The following SCHIP1 variants were observed in gnomAD, a reference collection of about 807,000 sequenced individuals.
The protein encoded by SCHIP1 is schwannomin interacting protein 1, also known as schwannomin-interacting protein 1.
Under a neutral mutation model 29.7 loss-of-function variants are expected in SCHIP1, and 8 were observed. The observed-to-expected ratio is 0.27, with a 90% CI of 0.16 to 0.49. SCHIP1 has a LOEUF of 0.49. SCHIP1 is among the 20% of genes least tolerant of loss of function. The pLI, the probability that SCHIP1 is intolerant of heterozygous loss-of-function variation, is 0.99. For synonymous variants in SCHIP1, 76 were observed against 94.9 expected, an observed-to-expected ratio of 0.80 and a Z score of 1.16; for missense variants, 193 against 294.6, an observed-to-expected ratio of 0.66 and a Z score of 2.52.
chr3:159,810,699 G>A, the SCHIP1 span, among the ~76,000 whole-genome samples: 975 of 152,186 alleles, frequency 6.4e-3, 7 homozygotes, highest in African/African-American at 0.017. Context: ...TATTTTGGTC[G>A]TCCATTTACC....
At chr3:159,751,614 G>A in the SCHIP1 span, among the ~76,000 whole-genome samples, 4 of 150,604 alleles carry the variant, frequency 2.7e-5, no homozygotes, top group East Asian at 1.9e-4. Context: ...GCAGGATCTC[G>A]GCTCACTGCA....
the SCHIP1 span, among the ~76,000 whole-genome samples, chr3:159,686,734 C>CAG: frequency 6.6e-6 from 1 of 152,084 alleles, no homozygotes; most frequent in African/African-American, 2.4e-5. Context: ...GCTCCTGAGT[C>CAG]CTTATTTCTG....
At chr3:159,717,750 C>G in the SCHIP1 span, among the ~76,000 whole-genome samples, 1 of 152,096 alleles carries the variant, frequency 6.6e-6, no homozygotes, top group South Asian at 2.1e-4. Context: ...AGCCTACCAA[C>G]CAAAAAAAGT....
chr3:159,494,430 C>T, the SCHIP1 span, among the ~76,000 whole-genome samples: 3,150 of 152,062 alleles, frequency 0.021, 78 homozygotes, highest in African/African-American at 0.062. Flanking sequence ...ATATCACCAC[C>T]GATCCCACAG....
At chr3:159,459,213 A>G in the SCHIP1 span, among the ~76,000 whole-genome samples, 2 of 152,072 alleles carry the variant, frequency 1.3e-5, no homozygotes, top group Non-Finnish European at 1.5e-5. Context: ...TCATGCTCCG[A>G]CTGCTGCTAT....
chr3:159,273,873 A>G, the SCHIP1 span: 4 of 1,613,464 alleles, frequency 2.5e-6, no homozygotes, highest in Non-Finnish European at 3.4e-6. Flanking sequence ...CAGGGCAAGC[A>G]CTCTGACAGT....
At chr3:159,809,395 C>T in the SCHIP1 span, among the ~76,000 whole-genome samples, 1 of 152,074 alleles carries the variant, frequency 6.6e-6, no homozygotes, top group Non-Finnish European at 1.5e-5. Context: ...CATTGATGGA[C>T]ATTTGGGTTG....
chr3:159,607,276 C>T, the SCHIP1 span, among the ~76,000 whole-genome samples: 3 of 152,168 alleles, frequency 2.0e-5, no homozygotes, highest in Non-Finnish European at 2.9e-5. Flanking sequence ...TAATTGTTTA[C>T]ACACCTTATC....
At chr3:159,645,240 A>G in the SCHIP1 span, among the ~76,000 whole-genome samples, 1 of 152,112 alleles carries the variant, frequency 6.6e-6, no homozygotes, top group Admixed American at 6.5e-5. Flanking sequence ...CCCTCCTTCA[A>G]TTAAGAACAC....
intron 2 of SCHIP1, among the ~76,000 whole-genome samples, chr3:159,879,827 G>T (rs966333845): frequency 1.3e-5 from 2 of 152,170 alleles, no homozygotes; most frequent in Non-Finnish European, 2.9e-5. Context: ...TTCGGGTTAG[G>T]ATACAGGGGC....
At chr3:159,897,008 C>G in exon 7 of SCHIP1, 1 of 360,642 alleles carries the variant, frequency 2.8e-6, no homozygotes, top group Non-Finnish European at 5.0e-6. Flanking sequence ...ACAGTACTGA[C>G]ACCACCACAA....
chr3:159,462,648 G>T, the SCHIP1 span, among the ~76,000 whole-genome samples: 3 of 152,004 alleles, frequency 2.0e-5, no homozygotes. Context: ...ACCTTCAGTG[G>T]CTCCCCATTG....
At chr3:159,365,379 G>A in the SCHIP1 span, among the ~76,000 whole-genome samples, 1 of 151,824 alleles carries the variant, frequency 6.6e-6, no homozygotes, top group Non-Finnish European at 1.5e-5. Context: ...GACTGTCAGG[G>A]GCATATGATG....
chr3:159,297,735 A>G, the SCHIP1 span, among the ~76,000 whole-genome samples: 1 of 152,194 alleles, frequency 6.6e-6, no homozygotes, highest in Non-Finnish European at 1.5e-5. Context: ...GTAAGTTCCA[A>G]TCAACTTAGG....
the SCHIP1 span, among the ~76,000 whole-genome samples, chr3:159,694,380 C>T: frequency 6.6e-6 from 1 of 152,110 alleles, no homozygotes; most frequent in East Asian, 1.9e-4. Context: ...ATTAGCTGGG[C>T]ATGGTGGCGG....
chr3:159,828,794 C>T, the SCHIP1 span, among the ~76,000 whole-genome samples: 1 of 152,036 alleles, frequency 6.6e-6, no homozygotes, highest in East Asian at 1.9e-4. Flanking sequence ...GTAGGCAAGG[C>T]TATCTGTGCT....
At chr3:159,401,996 C>G in the SCHIP1 span, among the ~76,000 whole-genome samples, 1 of 151,960 alleles carries the variant, frequency 6.6e-6, no homozygotes, top group African/African-American at 2.4e-5. Flanking sequence ...AACAGGCAAC[C>G]TACAGAATGG....
the SCHIP1 span, among the ~76,000 whole-genome samples, chr3:159,402,367 G>A: frequency 1.2e-4 from 18 of 152,204 alleles, no homozygotes; most frequent in Admixed American, 1.2e-3. Context: ...GTGGAAGTCG[G>A]TGTGGCGATT....
At chr3:159,396,250 C>T in the SCHIP1 span, among the ~76,000 whole-genome samples, 27 of 151,466 alleles carry the variant, frequency 1.8e-4, no homozygotes, top group African/African-American at 6.1e-4. Context: ...ATACAGCACA[C>T]TGATGGGTCT....
Sources: gnomAD v4.1 joint callset for allele counts (sites outside exome capture counted in the v4.1 genomes callset) on GRCh38, gnomAD v4.1.1 for gene constraint, MANE v1.5 for transcripts, NCBI Gene and HGNC (gene_info 2026-07-23, HGNC 2026-07-21) for gene names.